Variants in NOSTRIN observed in about 807,000 individuals in gnomAD.
The protein encoded by NOSTRIN is BM247 homolog.
A neutral mutation model predicts 59.0 loss-of-function variants in NOSTRIN; 63 were observed. That is an observed-to-expected ratio of 1.07 (90% CI 0.87 to 1.32). The LOEUF is 1.32. NOSTRIN is among the 40% of genes most tolerant of loss of function. The probability of loss-of-function intolerance (pLI) is 0.00; values close to 1 mark genes in which losing one functional copy is unlikely to be tolerated. For synonymous variants in NOSTRIN, 200 were observed against 165.4 expected (o/e 1.21, Z -1.61); for missense variants, 512 against 473.1 (o/e 1.08, Z -0.76).
rs532181907 is a variant in NOSTRIN at position 168,820,463 on chromosome 2, G to A, written c.114-4171G>A. 2.0e-5 allele frequency among the ~76,000 whole-genome samples: 3 copies of A among 152,250 alleles called. No individual in the cohort carries two copies. In the East Asian group the frequency reaches 5.8e-4, roughly 29 times the overall value. ...AGGTCAAGCATCAGCATGTCACAAAGGTAAGGCAACACCTTTGTCAGGAGA... is the reference window on the plus strand; with the variant it reads ...AGGTCAAGCATCAGCATGTCACAAAAGTAAGGCAACACCTTTGTCAGGAGA... On this transcript the variant is annotated intron_variant, in intron 2 of 15. Transcript: ENST00000317647.
chr2:168,817,665 C>T (rs1686486212), intron 2 of NOSTRIN, among the ~76,000 whole-genome samples: 1 of 152,284 alleles, frequency 6.6e-6, no homozygotes, highest in East Asian at 1.9e-4. Flanking sequence ...AGTTCTAGAG[C>T]TGCCATTGCT....
intron 2 of NOSTRIN, among the ~76,000 whole-genome samples, chr2:168,823,301 C>T (rs770324602): frequency 2.0e-5 from 3 of 152,214 alleles, no homozygotes; most frequent in South Asian, 2.1e-4. Context: ...CAGGCGTGAG[C>T]CACCGCGCCC....
chr2:168,816,547 C>T (rs1179554675), intron 2 of NOSTRIN, among the ~76,000 whole-genome samples: 1 of 152,164 alleles, frequency 6.6e-6, no homozygotes, highest in African/African-American at 2.4e-5. Flanking sequence ...GCTGTATTGC[C>T]TGCCTGGTAG....
intron 6 of NOSTRIN, among the ~76,000 whole-genome samples, chr2:168,832,044 T>C (rs1266351277): frequency 6.6e-6 from 1 of 152,192 alleles, no homozygotes; most frequent in East Asian, 1.9e-4. Flanking sequence ...GTGTTAGTGA[T>C]CTCTACATCA....
rs2105771002 is a variant in NOSTRIN, at chr2:168,855,364, A to G, written c.868A>G (p.Asn290Asp). The G allele has an allele frequency of 6.3e-7, 1 of 1,580,796 alleles. No individual in the cohort carries two copies. Among genetic ancestry groups the G allele is most frequent in the Non-Finnish European group, 8.7e-7 (1 of 1,155,094 alleles). ...LLTDYFEEDP[N>D]SAMDKERRKS... ...TTTTTTCCTAAAGGAAGAAGATCCT[A>G]ACAGTGCAATGGATAAAGAGAGACG... is the stretch of plus-strand genomic sequence containing the variant. Residue 290 changes from asparagine to aspartate, a missense_variant, in exon 11 of 16, where the codon AAC becomes GAC. By Grantham distance (23) the Asn-to-Asp change is conservative. Coordinates refer to ENST00000317647, the MANE Select transcript of NOSTRIN (RefSeq NM_001039724.4).
At chr2:168,824,851 A>C in intron 3 of NOSTRIN, 134 bp downstream of exon 3, 1 of 611,578 alleles carries the variant, frequency 1.6e-6, no homozygotes, top group Non-Finnish European at 3.1e-6. Flanking sequence ...ATCACAGCTC[A>C]CTGCACCCTC....
chr2:168,845,824 C>A (rs1279870483), intron 8 of NOSTRIN, among the ~76,000 whole-genome samples: 2 of 135,558 alleles, frequency 1.5e-5, no homozygotes, highest in Non-Finnish European at 3.0e-5. Context: ...ATCCAAGTCA[C>A]ATGGAATATC....
intron 7 of NOSTRIN, 97 bp from the exon 8 acceptor site, chr2:168,842,895 A>G (rs2105717808): frequency 5.1e-6 from 4 of 781,504 alleles, no homozygotes; most frequent in South Asian, 3.3e-5. Context: ...GAGAGGTGAG[A>G]AACATATCAT....
chr2:168,820,383 G>A (rs902809847), intron 2 of NOSTRIN, among the ~76,000 whole-genome samples: 24 of 152,114 alleles, frequency 1.6e-4, no homozygotes, highest in East Asian at 1.9e-4. Flanking sequence ...CGCCTGGCAC[G>A]TTGTAAGTGC....
At chr2:168,849,194 A>G (rs1688601284) in intron 8 of NOSTRIN, among the ~76,000 whole-genome samples, 1 of 152,048 alleles carries the variant, frequency 6.6e-6, no homozygotes, top group Non-Finnish European at 1.5e-5. Flanking sequence ...TGGTCGTGTT[A>G]CCCACCAACT....
chr2:168,841,581 T>C (rs1368360973), intron 7 of NOSTRIN, among the ~76,000 whole-genome samples: 1 of 152,222 alleles, frequency 6.6e-6, no homozygotes, highest in African/African-American at 2.4e-5. Flanking sequence ...ATTGGGCATG[T>C]ATCTCAGGCT....
chr2:168,805,519 T>C (rs565664334), intron 1 of NOSTRIN, among the ~76,000 whole-genome samples: 4 of 152,314 alleles, frequency 2.6e-5, no homozygotes, highest in African/African-American at 9.6e-5. Flanking sequence ...AATCCAATCA[T>C]AAGAAAGTAT....
chr2:168,797,844 T>A (rs940830005), upstream of NOSTRIN, among the ~76,000 whole-genome samples: 4 of 152,042 alleles, frequency 2.6e-5, no homozygotes, highest in Admixed American at 1.3e-4. Flanking sequence ...GTGGGTATTA[T>A]AAGGATCAAA....
At chr2:168,813,472 C>T (rs1369898448) in intron 2 of NOSTRIN, among the ~76,000 whole-genome samples, 1 of 152,024 alleles carries the variant, frequency 6.6e-6, no homozygotes, top group Non-Finnish European at 1.5e-5. Flanking sequence ...CTCCATATCC[C>T]CACCTTGCCA....
At chr2:168,797,079 C>CTTTTCTTTTTTT (rs1553519713), upstream of NOSTRIN, among the ~76,000 whole-genome samples, 35 of 75,056 alleles carry the variant, frequency 4.7e-4, no homozygotes, top group South Asian at 1.3e-3. Context: ...TTTCTTTTTT[C>CTTTTCTTTTTTT]TTTTTTTTTT....
In NOSTRIN at chr2:168,814,950, T is replaced by A. The variant is rs114473412; in HGVS notation, c.113+3298T>A. On this transcript the variant is annotated intron_variant, in intron 2 of 15. Transcript: ENST00000317647. Reference sequence around the variant, plus strand: ...TAAATGAAAGATAGTTAAGGGTTTTTAAAAATTATTATATCTACATTATGA... The same window carrying A: ...TAAATGAAAGATAGTTAAGGGTTTTAAAAAATTATTATATCTACATTATGA... Among the ~76,000 whole-genome samples, 807 of 152,334 alleles carry A rather than the reference T, an allele frequency of 5.3e-3. 14 individuals are homozygous for A. Among genetic ancestry groups the A allele is most frequent in the African/African-American group, 0.018 (755 of 41,576 alleles).
Position 168,856,701 on chromosome 2 carries a change from A to T in NOSTRIN, c.976A>T (p.Met326Leu), listed in dbSNP as rs1689144243. Residue 326 changes from methionine (M) to leucine (L), a missense_variant, in exon 12 of 16, where the codon ATG becomes TTG. By Grantham distance (15) the Met-to-Leu change is conservative (BLOSUM62 2). Transcript: ENST00000317647. ...GATTTCATTTTCAGGCCTGGAACGA[A>T]TGCTTAAAACGTACTCCAGCACCTC... ...ASKDKEGLER[M>L]LKTYSSTSSF... The T allele has an allele frequency of 6.2e-7, 1 of 1,613,990 alleles. No individual in the cohort carries two copies.
intron 1 of NOSTRIN, among the ~76,000 whole-genome samples, chr2:168,810,606 T>C (rs1036110097): frequency 1.3e-5 from 2 of 152,336 alleles, no homozygotes; most frequent in African/African-American, 4.8e-5. Context: ...CTGGCGATAT[T>C]TGAACACTGG....
chr2:168,853,670 G>C (rs1688903892), intron 10 of NOSTRIN, among the ~76,000 whole-genome samples: 1 of 152,198 alleles, frequency 6.6e-6, no homozygotes, highest in African/African-American at 2.4e-5. Context: ...AATGGTTTTA[G>C]TTAGGTGTCT....
Sources: allele counts gnomAD v4.1 joint callset (sites outside exome capture counted in the v4.1 genomes callset), GRCh38; gene constraint gnomAD v4.1.1; transcripts MANE v1.5; gene names NCBI Gene and HGNC (gene_info 2026-07-23, HGNC 2026-07-21).